Variants in PLEKHA7 observed in about 807,000 individuals in gnomAD.
The protein encoded by PLEKHA7 is pleckstrin homology domain containing A7.
PLEKHA7 carries 104 observed loss-of-function variants against 170.0 expected under a neutral mutation model. The observed-to-expected ratio is 0.61, with a 90% CI of 0.52 to 0.72. The LOEUF (loss-of-function observed/expected upper bound fraction) is 0.72. PLEKHA7 is among the 30% of genes least tolerant of loss of function. The pLI, the probability that PLEKHA7 is intolerant of heterozygous loss-of-function variation, is 0.00. For synonymous variants in PLEKHA7, 648 were observed against 660.8 expected, an observed-to-expected ratio of 0.98 and a Z score of 0.30; for missense variants, 1,615 against 1,671.7, an observed-to-expected ratio of 0.97 and a Z score of 0.59.
chr11:16,851,848 T>C (rs1195433217), intron 7 of PLEKHA7, among the ~76,000 whole-genome samples: 5 of 152,248 alleles, frequency 3.3e-5, no homozygotes, highest in South Asian at 4.1e-4. Flanking sequence ...CCTGAACTGC[T>C]TTGAAAGCAC....
At chr11:16,846,670 G>T (rs961783064) in intron 8 of PLEKHA7, among the ~76,000 whole-genome samples, 1 of 152,216 alleles carries the variant, frequency 6.6e-6, no homozygotes, top group African/African-American at 2.4e-5. Flanking sequence ...ACCTAGGGAG[G>T]TTGGCTGAAA....
chr11:16,965,081 G>A (rs1458844311), intron 3 of PLEKHA7, among the ~76,000 whole-genome samples: 2 of 152,088 alleles, frequency 1.3e-5, no homozygotes, highest in African/African-American at 2.4e-5. Flanking sequence ...GGCCGAGGCA[G>A]GCAAATCACT....
intron 4 of PLEKHA7, among the ~76,000 whole-genome samples, chr11:16,865,963 G>T (rs1331724777): frequency 6.6e-6 from 1 of 151,486 alleles, no homozygotes; most frequent in Non-Finnish European, 1.5e-5. Context: ...TCAGCCTCCC[G>T]AGTAGCTGGG....
chr11:16,928,776 C>T (rs1206367929), intron 3 of PLEKHA7, among the ~76,000 whole-genome samples: 1 of 151,998 alleles, frequency 6.6e-6, no homozygotes, highest in Non-Finnish European at 1.5e-5. Context: ...TTTTGTTGCT[C>T]TTAAGCCTAA....
chr11:16,790,138 A>G (rs1847739034), intron 21 of PLEKHA7: 2 of 480,646 alleles, frequency 4.2e-6, no homozygotes, highest in Non-Finnish European at 3.8e-6. Context: ...TTACATGCAG[A>G]TGACTGGGCT....
intron 17 of PLEKHA7, among the ~76,000 whole-genome samples, chr11:16,800,608 C>G (rs1412746784): frequency 6.6e-6 from 1 of 152,226 alleles, no homozygotes; most frequent in Non-Finnish European, 1.5e-5. Flanking sequence ...CTTCCTGCTG[C>G]TGTCTAAGTG....
At chr11:16,910,250 T>G (rs1323691375) in intron 3 of PLEKHA7, among the ~76,000 whole-genome samples, 1 of 152,200 alleles carries the variant, frequency 6.6e-6, no homozygotes, top group Non-Finnish European at 1.5e-5. Context: ...TCTATCATAA[T>G]CAGATAAGGA....
intron 3 of PLEKHA7, among the ~76,000 whole-genome samples, chr11:16,877,407 A>G (rs1195634085): frequency 1.3e-5 from 2 of 152,228 alleles, no homozygotes; most frequent in Non-Finnish European, 1.5e-5. Context: ...CCCACAATAA[A>G]GAGGTAGCAA....
At chr11:16,807,044 G>A in intron 13 of PLEKHA7, 1 of 405,262 alleles carries the variant, frequency 2.5e-6, no homozygotes, top group Non-Finnish European at 3.3e-6. Flanking sequence ...GGAAGCCTGG[G>A]GCGGTCAGGA....
At chr11:16,940,749 C>A (rs1414697566) in intron 3 of PLEKHA7, among the ~76,000 whole-genome samples, 1 of 151,972 alleles carries the variant, frequency 6.6e-6, no homozygotes, top group East Asian at 1.9e-4. Context: ...ACAAATGAAT[C>A]CAACATAGTG....
At chr11:16,840,196 C>T (rs964228243) in intron 9 of PLEKHA7, among the ~76,000 whole-genome samples, 1 of 152,188 alleles carries the variant, frequency 6.6e-6, no homozygotes, top group African/African-American at 2.4e-5. Context: ...ATTCATTCAT[C>T]GAATCTCTCA....
chr11:16,962,252 T>C (rs546726770), intron 3 of PLEKHA7, among the ~76,000 whole-genome samples: 1 of 152,334 alleles, frequency 6.6e-6, no homozygotes, highest in East Asian at 1.9e-4. Flanking sequence ...AATTAGCCTA[T>C]GTTTTCTCAC....
intron 19 of PLEKHA7, among the ~76,000 whole-genome samples, chr11:16,793,687 C>A (rs576882889): frequency 6.6e-6 from 1 of 152,224 alleles, no homozygotes; most frequent in African/African-American, 2.4e-5. Flanking sequence ...GCCCTGGAGG[C>A]GTGAGCTCTC....
chr11:16,967,417 T>C (rs1278303349), intron 3 of PLEKHA7, among the ~76,000 whole-genome samples: 1 of 152,198 alleles, frequency 6.6e-6, no homozygotes, highest in Non-Finnish European at 1.5e-5. Flanking sequence ...AGCAAAAATC[T>C]AGGTGATTCA....
intron 3 of PLEKHA7, among the ~76,000 whole-genome samples, chr11:16,936,353 G>T (rs1396596204): frequency 1.6e-5 from 2 of 125,290 alleles, no homozygotes; most frequent in Non-Finnish European, 3.2e-5. Flanking sequence ...AGGGAGCCGA[G>T]CTTATGCTAT....
chr11:16,804,167 C>A (rs527812124), intron 13 of PLEKHA7, among the ~76,000 whole-genome samples: 3 of 152,272 alleles, frequency 2.0e-5, no homozygotes, highest in Admixed American at 2.0e-4. Flanking sequence ...GATGCACCCT[C>A]CCATGGCCAA....
intron 9 of PLEKHA7, among the ~76,000 whole-genome samples, chr11:16,834,206 ATGTTGGCCAGGC>A (rs1851340057): frequency 6.7e-6 from 1 of 149,414 alleles, no homozygotes; most frequent in Admixed American, 6.7e-5. Flanking sequence ...GCATTTTGCC[ATGTTGGCCAGGC>A]TGGTCTCAAA....
chr11:16,866,783 C>T (rs147844993), intron 4 of PLEKHA7, among the ~76,000 whole-genome samples: 1 of 152,250 alleles, frequency 6.6e-6, no homozygotes, highest in African/African-American at 2.4e-5. Context: ...AGCTCATGTC[C>T]TCTGGCCCCA....
At chr11:16,952,315 G>C (rs1297776843) in intron 3 of PLEKHA7, among the ~76,000 whole-genome samples, 1 of 152,114 alleles carries the variant, frequency 6.6e-6, no homozygotes, top group Non-Finnish European at 1.5e-5. Context: ...CCTATCCACT[G>C]TTGCCTGGAA....
Sources: allele counts gnomAD v4.1 joint callset (sites outside exome capture counted in the v4.1 genomes callset), GRCh38; gene constraint gnomAD v4.1.1; transcripts MANE v1.5; gene names NCBI Gene and HGNC (gene_info 2026-07-23, HGNC 2026-07-21).